Variants in ERCC6 observed in about 807,000 individuals in gnomAD.
ERCC6 encodes the protein ERCC excision repair 6, chromatin remodeling factor.
A neutral mutation model predicts 158.7 loss-of-function variants in ERCC6; 116 were observed. The observed-to-expected ratio is 0.73, with a 90% CI of 0.63 to 0.85. The LOEUF (loss-of-function observed/expected upper bound fraction) is 0.85. Ranked by LOEUF, ERCC6 falls within the 40% of genes least tolerant of loss-of-function variation. The probability of loss-of-function intolerance (pLI) is 0.00; values close to 1 mark genes in which losing one functional copy is unlikely to be tolerated. For synonymous variants in ERCC6, 678 were observed against 659.3 expected, an observed-to-expected ratio of 1.03 and a Z score of -0.43; for missense variants, 1,698 against 1,799.4, an observed-to-expected ratio of 0.94 and a Z score of 1.02.
chr10:49,473,985 TA>T, intron 13 of ERCC6, 41 bp downstream of exon 13: 1 of 1,566,938 alleles, frequency 6.4e-7, no homozygotes, highest in East Asian at 2.2e-5. Flanking sequence ...ATGGCTGTCA[TA>T]AAGAACCAGC....
chr10:49,500,797 T>C lies in ERCC6; in HGVS notation c.1527-101A>G, dbSNP rs971700909. ...ATGAATTAATCATTTGGCTAGGTTC[T>C]AGTACCAGTCAGAGAAACATGCGGG... On this transcript the variant is annotated intron_variant, in intron 6 of 20. Transcript: ENST00000355832. 4 of 1,253,190 alleles carry C rather than the reference T, an allele frequency of 3.2e-6. No individual in the cohort carries two copies. In the Admixed American group the frequency reaches 7.2e-5, roughly 22 times the overall value. 77.6% of individuals were successfully genotyped at this position (1,253,190 alleles called of 1,614,324 possible).
intron 7 of ERCC6, among the ~76,000 whole-genome samples, chr10:49,499,345 G>A (rs182133004): frequency 6.6e-6 from 1 of 152,238 alleles, no homozygotes; most frequent in Non-Finnish European, 1.5e-5. Context: ...CTAACTTAAC[G>A]AAAGAGTAAG....
chr10:49,496,106 C>T (rs1590431406), intron 7 of ERCC6, among the ~76,000 whole-genome samples: 2 of 152,202 alleles, frequency 1.3e-5, no homozygotes, highest in African/African-American at 4.8e-5. Context: ...TCCAATCGAC[C>T]TTCACCATGT....
At chr10:49,521,190 G>A (rs912818107) in intron 5 of ERCC6, among the ~76,000 whole-genome samples, 1 of 152,196 alleles carries the variant, frequency 6.6e-6, no homozygotes, top group Admixed American at 6.5e-5. Context: ...GGCTTACCTC[G>A]AATATGGCAA....
chr10:49,525,057 A>C, intron 4 of ERCC6: 1 of 600,944 alleles, frequency 1.7e-6, no homozygotes, highest in Non-Finnish European at 2.6e-6. Context: ...TAGGCTTATT[A>C]CTGTATAAAT....
intron 8 of ERCC6, among the ~76,000 whole-genome samples, chr10:49,486,131 G>A (rs985633888): frequency 6.6e-6 from 1 of 152,016 alleles, no homozygotes; most frequent in African/African-American, 2.4e-5. Flanking sequence ...CTACCAAAAC[G>A]CACAGCAATA....
the ERCC6 span, among the ~76,000 whole-genome samples, chr10:49,436,922 T>C: frequency 6.6e-6 from 1 of 152,224 alleles, no homozygotes; most frequent in Non-Finnish European, 1.5e-5. Context: ...TGGCATATCA[T>C]ACCATGGTGA....
rs555442203 is a variant in ERCC6 at position 49,518,313 on chromosome 10, C to T, written c.1397+5720G>A. 2.0e-5 allele frequency among the ~76,000 whole-genome samples: 3 copies of T among 152,340 alleles called. No individual in the cohort carries two copies. In the South Asian group the frequency reaches 6.2e-4, roughly 32 times the overall value. ...AAACAATGCTTGTCCGAGTCTGCTGCAGCAAACCAAGCTGCGAGATCACTC... is the reference window on the plus strand; with the variant it reads ...AAACAATGCTTGTCCGAGTCTGCTGTAGCAAACCAAGCTGCGAGATCACTC... On this transcript the variant is annotated intron_variant, in intron 5 of 20. Transcript: ENST00000355832.
At chr10:49,536,764 G>A (rs1325990515) in intron 1 of ERCC6, among the ~76,000 whole-genome samples, 1 of 152,106 alleles carries the variant, frequency 6.6e-6, no homozygotes, top group Admixed American at 6.5e-5. Context: ...GTAGTCCTGG[G>A]GGAAATGTCA....
At chr10:49,505,115 G>A (rs1263787282) in intron 6 of ERCC6, 1 of 152,116 alleles carries the variant, frequency 6.6e-6, no homozygotes, top group Non-Finnish European at 1.5e-5. Flanking sequence ...CTATGTAATG[G>A]TTTAACTTCC....
chr10:49,438,241 A>G, the ERCC6 span, among the ~76,000 whole-genome samples: 7 of 152,060 alleles, frequency 4.6e-5, no homozygotes, highest in African/African-American at 9.7e-5. Context: ...TCCATTTTCA[A>G]CCTGCTGATA....
chr10:49,514,574 G>A (rs1444914135), intron 5 of ERCC6, among the ~76,000 whole-genome samples: 2 of 152,040 alleles, frequency 1.3e-5, no homozygotes, highest in South Asian at 2.1e-4. Flanking sequence ...ATTGTACACA[G>A]AGCAGTTTAA....
chr10:49,501,397 G>A (rs1389510715), intron 6 of ERCC6: 5 of 152,150 alleles, frequency 3.3e-5, no homozygotes, highest in East Asian at 1.9e-4. Context: ...CCAAAGGTAC[G>A]AAAAGATCAT....
In ERCC6 at chr10:49,482,250, A is replaced by G. The variant is rs556483873; in HGVS notation, c.2169+437T>C. ...CATTAAATCATCCCTGAACAGTCCAATCCTCCTAGTGTCCCCTTTTCTAAG... is the reference window on the plus strand; with the variant it reads ...CATTAAATCATCCCTGAACAGTCCAGTCCTCCTAGTGTCCCCTTTTCTAAG... On this transcript the variant is annotated intron_variant, in intron 10 of 20. Coordinates refer to ENST00000355832, the MANE Select transcript of ERCC6 (RefSeq NM_000124.4). Among the ~76,000 whole-genome samples the G allele has an allele frequency of 4.6e-5, 7 of 152,168 alleles. No homozygotes were observed. The East Asian group carries it at 1.4e-3, about 29-fold the overall frequency.
chr10:49,516,984 T>G, intron 5 of ERCC6: 1 of 1,614,040 alleles, frequency 6.2e-7, no homozygotes. Flanking sequence ...ACCTTCTTCA[T>G]CTCCTGATTC....
At chr10:49,525,925 T>C (rs905883585) in intron 4 of ERCC6, among the ~76,000 whole-genome samples, 2 of 151,692 alleles carry the variant, frequency 1.3e-5, no homozygotes, top group African/African-American at 4.9e-5. Flanking sequence ...GTGTCCACCT[T>C]CCTTCACCCA....
chr10:49,509,851 C>G (rs944685808), intron 5 of ERCC6, among the ~76,000 whole-genome samples: 1 of 152,196 alleles, frequency 6.6e-6, no homozygotes, highest in Non-Finnish European at 1.5e-5. Flanking sequence ...TCTATTCTCT[C>G]ATTTTAAAAA....
the ERCC6 span, among the ~76,000 whole-genome samples, chr10:49,447,341 T>C: frequency 1.3e-5 from 2 of 152,182 alleles, no homozygotes; most frequent in Non-Finnish European, 2.9e-5. Context: ...ACCACTTCCA[T>C]CTGGTTCCAA....
rs369745517 is a variant in ERCC6 at position 49,470,434 on chromosome 10, T to A, written c.3526A>T (p.Asn1176Tyr). The change falls in exon 18 of 21, where the codon AAT (asparagine) becomes TAT (tyrosine). Residue 1176 changes from asparagine (N) to tyrosine (Y), a missense_variant. Physicochemically the swap from Asn to Tyr is moderately radical, Grantham distance 143. Transcript: ENST00000355832. ...EAFWENKQME[N>Y]NFYKHKSKTK... ...TTTGACTTGTGCTTATAAAAATTAT[T>A]TTCCATTTGTTTATTCTCCCAAAAA... 10 of 1,613,986 alleles carry A rather than the reference T, an allele frequency of 6.2e-6. No individual in the cohort carries two copies. Among genetic ancestry groups the A allele is most frequent in the African/African-American group, 2.7e-5 (2 of 74,912 alleles).
Sources: allele counts gnomAD v4.1 joint callset (sites outside exome capture counted in the v4.1 genomes callset), GRCh38; gene constraint gnomAD v4.1.1; transcripts MANE v1.5; gene names NCBI Gene and HGNC (gene_info 2026-07-23, HGNC 2026-07-21).